GDF1: variants seen among roughly 807,000 people sequenced by gnomAD.
The protein encoded by GDF1 is growth differentiation factor 1.
A neutral mutation model predicts 7.4 loss-of-function variants in GDF1; 8 were observed. The ratio of observed to expected loss-of-function variants is 1.09; its 90% CI spans 0.64 to 1.96. The LOEUF (loss-of-function observed/expected upper bound fraction) is 1.96, where lower values mean the gene tolerates loss of function less well. Among genes scored for constraint, GDF1 ranks in the 30% most tolerant of loss-of-function variants. GDF1 has a pLI of 0.00. For synonymous variants in GDF1, 311 were observed against 276.7 expected (o/e 1.12, Z -1.23); for missense variants, 574 against 551.5 (o/e 1.04, Z -0.41).
Position 18,895,729 on chromosome 19 carries a change from C to A in GDF1, c.-1074+95G>T, listed in dbSNP as rs2056609112. 4.7e-6 allele frequency: 3 copies of A among 639,488 alleles called. 1 individual carries two copies. The South Asian group carries it at 1.2e-4, about 25-fold the overall frequency. 39.6% of individuals were successfully genotyped at this position (639,488 alleles called of 1,614,324 possible). A position where few individuals can be genotyped will look rare whatever the true frequency, so the allele number is the denominator to read the frequency against. On this transcript the variant is annotated intron_variant, in intron 1 of 7. Coordinates refer to ENST00000247005, the MANE Select transcript of GDF1 (RefSeq NM_001492.6). This position sits in a 1 kb window ranked among gnomAD's most constrained non-coding sequence, Gnocchi z 6.4. Reference sequence around the variant, plus strand: ...CGACCCCTTCATCCGCAGCAGCCAGCGCTGGAAGAAAGGAACGCGCCGGCG... The same window carrying A: ...CGACCCCTTCATCCGCAGCAGCCAGAGCTGGAAGAAAGGAACGCGCCGGCG...
At chr19:18,889,816 C>T (rs1021279300) in intron 2 of GDF1, among the ~76,000 whole-genome samples, 78 of 152,242 alleles carry the variant, frequency 5.1e-4, no homozygotes, top group African/African-American at 1.5e-3. Context: ...AATCCAGAAT[C>T]TTGGTCTCCC....
At chr19:18,892,835 T>C (rs1001780209) in intron 2 of GDF1, among the ~76,000 whole-genome samples, 2 of 152,178 alleles carry the variant, frequency 1.3e-5, no homozygotes, top group Non-Finnish European at 2.9e-5. Context: ...TCCCCAGGGA[T>C]CACCTTTGTC....
intron 6 of GDF1, among the ~76,000 whole-genome samples, chr19:18,873,163 T>C (rs1305935222): frequency 6.6e-6 from 1 of 152,120 alleles, no homozygotes; most frequent in Non-Finnish European, 1.5e-5. Flanking sequence ...AGACTAGTGT[T>C]GACACTAGTC....
chr19:18,891,669 C>A (rs2056494215), intron 2 of GDF1, among the ~76,000 whole-genome samples: 1 of 151,984 alleles, frequency 6.6e-6, no homozygotes, highest in Non-Finnish European at 1.5e-5. Context: ...CCTCCACCTA[C>A]CGGGTTCAAG....
intron 1 of GDF1, among the ~76,000 whole-genome samples, chr19:18,894,245 C>CGGTGGGTG (rs1198888183): frequency 5.6e-5 from 1 of 17,706 alleles, no homozygotes; most frequent in East Asian, 1.3e-3. Flanking sequence ...TTGGGGAGTG[C>CGGTGGGTG]GGTGGGTGGG....
At position 18,887,919 on chromosome 19, in the gene GDF1, C is replaced by T. The variant is rs567847632; in HGVS notation, c.-913-3652G>A. ...CATTAAACAGTCTCTCCCCATTCCCCTCCCCCAGCCCTGGCACCCCCCATC... is the reference window on the plus strand; with the variant it reads ...CATTAAACAGTCTCTCCCCATTCCCTTCCCCCAGCCCTGGCACCCCCCATC... On this transcript the variant is annotated intron_variant, in intron 2 of 7. Transcript: ENST00000247005. 5.7e-4 allele frequency among the ~76,000 whole-genome samples: 87 copies of T among 152,290 alleles called. 5 individuals are homozygous for T. In the South Asian group the frequency reaches 0.018, roughly 31 times the overall value.
Position 18,880,337 on chromosome 19 carries a change from CCGCCGCGGGA to C in GDF1, c.-644_-635del. 1 of 1,556,136 alleles carries C rather than the reference CCGCCGCGGGA, an allele frequency of 6.4e-7. No individual in the cohort carries two copies. Among genetic ancestry groups the C allele is most frequent in the Non-Finnish European group, 8.7e-7 (1 of 1,149,998 alleles). On this transcript the variant is annotated 5_prime_UTR_variant, in exon 4 of 8. The change creates a premature stop within an existing upstream ORF in the 5' untranslated region. Coordinates refer to ENST00000247005, the MANE Select transcript of GDF1 (RefSeq NM_001492.6). The stretch of plus-strand genomic sequence containing the variant: ...CAAGGCATGCAGCCGATGGTAGGAG[CCGCCGCGGGA>C]CTTGAAGTAAATGTTGAGCTTGGTG...
At position 18,879,398 on chromosome 19, in the gene GDF1, G is replaced by C. The variant is rs992828933; in HGVS notation, c.-570-10C>G. 2.6e-6 allele frequency: 4 copies of C among 1,554,918 alleles called. No individual in the cohort carries two copies. Among genetic ancestry groups the C allele is most frequent in the Non-Finnish European group, 2.6e-6 (3 of 1,149,278 alleles). ...GAGGCGGAACCAGAACCTGCGGTGG[G>C]AGGAGTCAGGAGGCCGTGGGTGGAG... On this transcript the variant is annotated splice_polypyrimidine_tract_variant and intron_variant, in intron 4 of 7. Transcript: ENST00000247005.
rs2056291232 is a variant in GDF1 at position 18,884,231 on chromosome 19, G to A, written c.-877C>T. 3 of 1,613,338 alleles carry A rather than the reference G, an allele frequency of 1.9e-6. No individual in the cohort carries two copies. The highest frequency in any genetic ancestry group is 1.7e-4 in the Middle Eastern group (1 of 6,058). ...GCTTCCCTGGAGCAGGTAGGCGGCTGCAATGTCCCGTGGCACTGCCATGCC... is the reference window on the plus strand; with the variant it reads ...GCTTCCCTGGAGCAGGTAGGCGGCTACAATGTCCCGTGGCACTGCCATGCC... On this transcript the variant is annotated 5_prime_UTR_variant, in exon 3 of 8. It introduces an in-frame stop codon into an upstream open reading frame of the 5' UTR. Transcript: ENST00000247005.
chr19:18,890,495 A>G (rs1170259531), intron 2 of GDF1, among the ~76,000 whole-genome samples: 1 of 152,182 alleles, frequency 6.6e-6, no homozygotes, highest in Non-Finnish European at 1.5e-5. Context: ...AAAGCAACTA[A>G]GGCTGGACGA....
chr19:18,875,905 G>C (rs1332421212), intron 6 of GDF1, among the ~76,000 whole-genome samples: 1 of 152,234 alleles, frequency 6.6e-6, no homozygotes, highest in Non-Finnish European at 1.5e-5. Context: ...TCCTCGCTTA[G>C]AGTTCCCAGA....
At position 18,895,774 on chromosome 19, in the gene GDF1, G is replaced by T; in HGVS notation, c.-1074+50C>A. Reference sequence around the variant, plus strand: ...CCGGCGGCCCCAGGTCCCCGGTCCCGGCTTCCCCCAGTCCGGGGTCCCCTC... The same window carrying T: ...CCGGCGGCCCCAGGTCCCCGGTCCCTGCTTCCCCCAGTCCGGGGTCCCCTC... On this transcript the variant is annotated intron_variant, in intron 1 of 7. Transcript: ENST00000247005. This position sits in a 1 kb window ranked among gnomAD's most constrained non-coding sequence, Gnocchi z 6.4. 9.3e-7 allele frequency: 1 copy of T among 1,074,054 alleles called. No homozygotes were observed. Among genetic ancestry groups the T allele is most frequent in the Non-Finnish European group, 1.2e-6 (1 of 857,146 alleles). 66.5% of individuals were successfully genotyped at this position (1,074,054 alleles called of 1,614,324 possible).
intron 3 of GDF1, among the ~76,000 whole-genome samples, chr19:18,883,541 A>G (rs1392011413): frequency 4.0e-5 from 6 of 149,568 alleles, no homozygotes; most frequent in East Asian, 1.9e-4. Context: ...TCAAAAAAAA[A>G]AGAGAGAGAG....
At chr19:18,884,687 G>A (rs1472043392) in intron 2 of GDF1, among the ~76,000 whole-genome samples, 139 of 147,202 alleles carry the variant, frequency 9.4e-4, no homozygotes, top group African/African-American at 3.2e-3. Context: ...GATTACAGGC[G>A]TGAGCCACCC....
chr19:18,871,905 C>T (rs1243750366), intron 6 of GDF1, among the ~76,000 whole-genome samples: 1 of 152,192 alleles, frequency 6.6e-6, no homozygotes, highest in Non-Finnish European at 1.5e-5. Flanking sequence ...ACACTGTCCC[C>T]TTTTGGCTCT....
Position 18,878,874 on chromosome 19 carries a change from C to G in GDF1, c.-313+56G>C. On this transcript the variant is annotated intron_variant, in intron 6 of 7. Transcript: ENST00000247005. This position sits in a 1 kb window ranked among gnomAD's most constrained non-coding sequence, Gnocchi z 4.6. Reference sequence around the variant, plus strand: ...TCTTGGGGGCCTGCCCACGAACACGCTTGGACGGGTGACACTAAAGGAGGG... The same window carrying G: ...TCTTGGGGGCCTGCCCACGAACACGGTTGGACGGGTGACACTAAAGGAGGG... 3 of 1,593,762 alleles carry G rather than the reference C, an allele frequency of 1.9e-6. No homozygotes were observed. The highest frequency in any genetic ancestry group is 2.6e-6 in the Non-Finnish European group (3 of 1,170,976).
intron 5 of GDF1, 95 bp downstream of exon 5, chr19:18,879,146 C>G: frequency 6.3e-7 from 1 of 1,591,322 alleles, no homozygotes; most frequent in Non-Finnish European, 8.6e-7. Context: ...CTGTCTGCCA[C>G]CTAACGTGCC....
intron 2 of GDF1, 102 bp from the exon 3 acceptor site, chr19:18,884,369 C>T (rs994425489): frequency 9.2e-7 from 1 of 1,088,158 alleles, no homozygotes; most frequent in Non-Finnish European, 1.3e-6. Context: ...CCTCCCAGTA[C>T]CCAGGTAACC....
rs202181919 is a variant in GDF1 at position 18,893,563 on chromosome 19, G to A, written c.-1061C>T. ...GCATCTCTGGGCTGGAGGCAGCACC[G>A]CTTCGCCAGGGGCTATGGGGGAGAA... is the stretch of plus-strand genomic sequence containing the variant. On this transcript the variant is annotated 5_prime_UTR_variant, in exon 2 of 8. Transcript: ENST00000247005. 34 of 1,608,568 alleles carry A rather than the reference G, an allele frequency of 2.1e-5. No individual in the cohort carries two copies. In the East Asian group the frequency reaches 4.7e-4, roughly 22 times the overall value.
Sources: allele counts gnomAD v4.1 joint callset (sites outside exome capture counted in the v4.1 genomes callset), GRCh38; gene constraint gnomAD v4.1.1; non-coding constraint Gnocchi (gnomAD v3.1); transcripts MANE v1.5; gene names NCBI Gene and HGNC (gene_info 2026-07-23, HGNC 2026-07-21).